Variants in B3GALT1 observed in about 807,000 individuals in gnomAD.
B3GALT1 encodes beta-1,3-galactosyltransferase 1, also known as UDP-Gal:betaGlcNAc beta 1,3-galactosyltransferase, polypeptide 1.
B3GALT1 carries 10 observed loss-of-function variants against 23.2 expected under a neutral mutation model. That is an observed-to-expected ratio of 0.43 (90% CI 0.27 to 0.73). The LOEUF is 0.73. B3GALT1 is among the 30% of genes least tolerant of loss of function. The probability of loss-of-function intolerance (pLI) is 0.21; values close to 1 mark genes in which losing one functional copy is unlikely to be tolerated. For missense variants in B3GALT1, 299 were observed against 405.4 expected (o/e 0.74, Z 2.25); for synonymous variants, 156 against 141.5 (o/e 1.10, Z -0.73).
intron 3 of B3GALT1, among the ~76,000 whole-genome samples, chr2:167,722,673 A>G (rs1558959695): frequency 6.6e-6 from 1 of 152,204 alleles, no homozygotes. Context: ...ATGGCTTTGA[A>G]TTAGCGTGGT....
intron 3 of B3GALT1, among the ~76,000 whole-genome samples, chr2:167,725,346 A>G (rs1687295461): frequency 6.6e-6 from 1 of 152,098 alleles, no homozygotes; most frequent in African/African-American, 2.4e-5. Context: ...ATACCTTGAT[A>G]TATATTTTGT....
rs548475552 is a variant in B3GALT1 at position 167,668,803 on chromosome 2, C to T, written c.-352+21837C>T. Among the ~76,000 whole-genome samples, 264 of 152,312 alleles carry T rather than the reference C, an allele frequency of 1.7e-3. 1 individual carries two copies. The highest frequency in any genetic ancestry group is 5.7e-3 in the African/African-American group (239 of 41,580). On this transcript the variant is annotated intron_variant, in intron 3 of 4. Transcript: ENST00000392690. ...AGTGAGGCAATGCCTCGCCCTGCTT[C>T]GGCTCGCGCACGGTGCGTGCACCCA...
At chr2:167,460,200 AC>A (rs1699236246) in intron 1 of B3GALT1, among the ~76,000 whole-genome samples, 3 of 152,074 alleles carry the variant, frequency 2.0e-5, no homozygotes, top group Middle Eastern at 3.4e-3. Context: ...TATTCTCCCT[AC>A]CCCTTCCTCT....
At chr2:167,657,438 G>A (rs920179239) in intron 3 of B3GALT1, among the ~76,000 whole-genome samples, 1 of 152,038 alleles carries the variant, frequency 6.6e-6, no homozygotes, top group Non-Finnish European at 1.5e-5. Context: ...TATTATCAGT[G>A]GTGAAAGACA....
At chr2:167,812,922 G>T (rs1688917822) in intron 3 of B3GALT1, among the ~76,000 whole-genome samples, 1 of 151,108 alleles carries the variant, frequency 6.6e-6, no homozygotes, top group Non-Finnish European at 1.5e-5. Flanking sequence ...TCATTCAAGA[G>T]AAAAATGCAT....
intron 1 of B3GALT1, among the ~76,000 whole-genome samples, chr2:167,314,656 A>G (rs907744506): frequency 2.0e-5 from 3 of 152,154 alleles, no homozygotes; most frequent in African/African-American, 4.8e-5. Flanking sequence ...CTTGCATGCA[A>G]ATAAGACACA....
chr2:167,442,964 G>C (rs1218604032), intron 1 of B3GALT1, among the ~76,000 whole-genome samples: 1 of 150,210 alleles, frequency 6.7e-6, no homozygotes, highest in East Asian at 1.9e-4. Flanking sequence ...CCTATGTCCT[G>C]AATGGTAATG....
At chr2:167,612,994 C>T (rs1685095844) in intron 2 of B3GALT1, among the ~76,000 whole-genome samples, 1 of 151,828 alleles carries the variant, frequency 6.6e-6, no homozygotes. Flanking sequence ...GTGTTTTGTT[C>T]AATGTATCCT....
At chr2:167,625,208 A>G (rs1457772569) in intron 2 of B3GALT1, among the ~76,000 whole-genome samples, 1 of 151,908 alleles carries the variant, frequency 6.6e-6, no homozygotes, top group African/African-American at 2.4e-5. Flanking sequence ...AATCCAAGTC[A>G]TGTGCTTTTT....
At chr2:167,527,391 C>A (rs112988661) in intron 2 of B3GALT1, among the ~76,000 whole-genome samples, 5,913 of 126,548 alleles carry the variant, frequency 0.047, 219 homozygotes, top group African/African-American at 0.12. Context: ...GATATTCAAT[C>A]TTTATCCATT....
intron 3 of B3GALT1, among the ~76,000 whole-genome samples, chr2:167,788,935 C>G (rs59716869): frequency 0.01 from 1,560 of 152,206 alleles, 33 homozygotes; most frequent in African/African-American, 0.036. Flanking sequence ...ATTCCATATT[C>G]CTGTGTATAT....
intron 2 of B3GALT1, among the ~76,000 whole-genome samples, chr2:167,638,773 C>T (rs2105453496): frequency 6.6e-6 from 1 of 152,040 alleles, no homozygotes; most frequent in South Asian, 2.1e-4. Context: ...TAAATAGAAT[C>T]TTATTGATGG....
intron 1 of B3GALT1, among the ~76,000 whole-genome samples, chr2:167,306,742 T>C (rs1431700388): frequency 6.6e-6 from 1 of 152,044 alleles, no homozygotes; most frequent in African/African-American, 2.4e-5. Flanking sequence ...TCTCATGATA[T>C]TCTTTTTCTT....
At chr2:167,341,385 C>G (rs114975270) in intron 1 of B3GALT1, among the ~76,000 whole-genome samples, 2 of 152,146 alleles carry the variant, frequency 1.3e-5, no homozygotes, top group East Asian at 3.9e-4. Context: ...TTACTGCCTG[C>G]GTGTGGTGGC....
intron 1 of B3GALT1, among the ~76,000 whole-genome samples, chr2:167,360,710 T>C (rs1331594518): frequency 6.6e-6 from 1 of 152,254 alleles, no homozygotes; most frequent in Non-Finnish European, 1.5e-5. Context: ...CTTTTCTTTA[T>C]GTTAGGAACA....
intron 1 of B3GALT1, among the ~76,000 whole-genome samples, chr2:167,381,747 T>C (rs1697850488): frequency 6.6e-6 from 1 of 152,212 alleles, no homozygotes; most frequent in African/African-American, 2.4e-5. Flanking sequence ...ACAGAAACTA[T>C]GGGGAACAAG....
At chr2:167,369,079 G>A (rs1375200944) in intron 1 of B3GALT1, among the ~76,000 whole-genome samples, 2 of 10,214 alleles carry the variant, frequency 2.0e-4, no homozygotes, top group Non-Finnish European at 2.7e-3. Flanking sequence ...GTGTGTGTGT[G>A]TGTGTGTGTG....
At chr2:167,557,037 C>A (rs1355618076) in intron 2 of B3GALT1, among the ~76,000 whole-genome samples, 1 of 152,088 alleles carries the variant, frequency 6.6e-6, no homozygotes, top group Admixed American at 6.5e-5. Context: ...AAAACTAAAC[C>A]ATTTGGCTGC....
chr2:167,716,095 G>A lies in B3GALT1; in HGVS notation c.-352+69129G>A, dbSNP rs1008183984. 1.8e-5 allele frequency: 27 copies of A among 1,531,944 alleles called. No individual in the cohort carries two copies. In the African/African-American group the frequency reaches 3.4e-4, roughly 19 times the overall value. 94.9% of individuals were successfully genotyped at this position (1,531,944 alleles called of 1,614,324 possible). On this transcript the variant is annotated intron_variant, in intron 3 of 4. Coordinates refer to ENST00000392690, the MANE Select transcript of B3GALT1 (RefSeq NM_020981.4). ...CCAAGCTGCTCTGGCGGTCACCGCA[G>A]TTAACACTGGCCACAACAAGCGGTG...
Sources: gnomAD v4.1 joint callset for allele counts (sites outside exome capture counted in the v4.1 genomes callset) on GRCh38, gnomAD v4.1.1 for gene constraint, MANE v1.5 for transcripts, NCBI Gene and HGNC (gene_info 2026-07-23, HGNC 2026-07-21) for gene names.